The following MAPK10 variants were observed in gnomAD, a reference collection of about 807,000 sequenced individuals.
The protein encoded by MAPK10 is JNK3 alpha protein kinase.
A neutral mutation model predicts 59.3 loss-of-function variants in MAPK10; 25 were observed. That is an observed-to-expected ratio of 0.42 (90% CI 0.31 to 0.59). The LOEUF (loss-of-function observed/expected upper bound fraction) is 0.59. Ranked by LOEUF, MAPK10 falls within the 20% of genes least tolerant of loss-of-function variation. The pLI is 0.15. For synonymous variants in MAPK10, 190 were observed against 200.5 expected (o/e 0.95, Z 0.44); for missense variants, 351 against 568.9 (o/e 0.62, Z 3.90).
chr4:86,335,205 T>C (rs1471321273), intron 2 of MAPK10: 2 of 152,202 alleles, frequency 1.3e-5, no homozygotes, highest in Non-Finnish European at 2.9e-5. Context: ...TAATCCCTGA[T>C]ACATGTTTTG....
chr4:86,039,248 T>C (rs1316738279), intron 11 of MAPK10, among the ~76,000 whole-genome samples: 1 of 152,160 alleles, frequency 6.6e-6, no homozygotes, highest in African/African-American at 2.4e-5. Flanking sequence ...CACCTGGGTA[T>C]AGCACGGAAA....
chr4:86,327,509 CT>C (rs2096054922), intron 2 of MAPK10: 1 of 151,660 alleles, frequency 6.6e-6, no homozygotes, highest in Admixed American at 6.6e-5. Context: ...CCCAGAATTA[CT>C]ATCTTTTTTT....
At chr4:86,106,350 T>C (rs923703929) in intron 5 of MAPK10, among the ~76,000 whole-genome samples, 2 of 151,816 alleles carry the variant, frequency 1.3e-5, no homozygotes, top group African/African-American at 2.4e-5. Flanking sequence ...ATTATAGCTA[T>C]TATACTATAG....
chr4:86,077,380 A>C (rs1039748612), intron 9 of MAPK10, among the ~76,000 whole-genome samples: 2 of 152,184 alleles, frequency 1.3e-5, no homozygotes, highest in African/African-American at 4.8e-5. Context: ...TAATATATGA[A>C]AAGGGCAATT....
intron 4 of MAPK10, among the ~76,000 whole-genome samples, chr4:86,129,211 G>C (rs1644088849): frequency 6.6e-6 from 1 of 152,098 alleles, no homozygotes; most frequent in South Asian, 2.1e-4. Context: ...TCCCATGGTG[G>C]TTAAATAATG....
intron 4 of MAPK10, among the ~76,000 whole-genome samples, chr4:86,133,526 A>G (rs2061374413): frequency 6.6e-6 from 1 of 152,270 alleles, no homozygotes; most frequent in Non-Finnish European, 1.5e-5. Context: ...TAATGCCTAC[A>G]GCCAAAACAG....
intron 1 of MAPK10, among the ~76,000 whole-genome samples, chr4:86,537,163 T>C (rs1248053467): frequency 6.6e-6 from 1 of 152,070 alleles, no homozygotes; most frequent in African/African-American, 2.4e-5. Context: ...AAAGAAGTCT[T>C]TGTTGTGAGA....
chr4:86,512,013 A>T (rs1756312990), intron 1 of MAPK10, among the ~76,000 whole-genome samples: 1 of 152,146 alleles, frequency 6.6e-6, no homozygotes, highest in Non-Finnish European at 1.5e-5. Flanking sequence ...TCATGAAACT[A>T]CTCATCAAGA....
intron 2 of MAPK10, among the ~76,000 whole-genome samples, chr4:86,285,368 C>A (rs143400411): frequency 0.019 from 2,945 of 152,062 alleles, 98 homozygotes; most frequent in African/African-American, 0.068. Flanking sequence ...AGGTGCACAC[C>A]ACCATGCCCA....
At chr4:86,359,288 C>CTCTCTCTCTCTCTCTCTCTCTGTG (rs796310826) in intron 1 of MAPK10, among the ~76,000 whole-genome samples, 1 of 94,632 alleles carries the variant, frequency 1.1e-5, no homozygotes, top group East Asian at 3.0e-4. Context: ...CTCTCTCTCT[C>CTCTCTCTCTCTCTCTCTCTCTGTG]TGTGTGTGTG....
intron 11 of MAPK10, among the ~76,000 whole-genome samples, chr4:86,034,670 A>G (rs1230707002): frequency 6.6e-6 from 1 of 151,878 alleles, no homozygotes; most frequent in Non-Finnish European, 1.5e-5. Flanking sequence ...TGCAAAACAG[A>G]TCATTAGTAT....
chr4:86,109,477 C>T (rs1157116208), intron 4 of MAPK10, among the ~76,000 whole-genome samples: 1 of 152,072 alleles, frequency 6.6e-6, no homozygotes, highest in African/African-American at 2.4e-5. Flanking sequence ...TAAGTGAGAA[C>T]ATGCAGTGTT....
intron 3 of MAPK10, among the ~76,000 whole-genome samples, chr4:86,169,211 A>C (rs755494218): frequency 1.3e-5 from 2 of 152,272 alleles, no homozygotes; most frequent in African/African-American, 2.4e-5. Flanking sequence ...AAAGCTGGAC[A>C]GAGAATGACT....
intron 2 of MAPK10, among the ~76,000 whole-genome samples, chr4:86,317,065 C>G (rs1401596434): frequency 6.6e-6 from 1 of 152,126 alleles, no homozygotes. Flanking sequence ...CAAAATCACA[C>G]AGTAGGGCAC....
At chr4:86,206,970 C>T (rs530176134) in intron 2 of MAPK10, among the ~76,000 whole-genome samples, 28 of 152,024 alleles carry the variant, frequency 1.8e-4, no homozygotes, top group East Asian at 7.8e-4. Flanking sequence ...GAGTAGGTTG[C>T]GAAAATTTTC....
chr4:86,242,713 C>T (rs1402583659), intron 2 of MAPK10, among the ~76,000 whole-genome samples: 1 of 152,190 alleles, frequency 6.6e-6, no homozygotes, highest in Non-Finnish European at 1.5e-5. Context: ...AGGGGAGAAG[C>T]GCAGCTTGGA....
At chr4:86,191,690 C>CGGGTCTT (rs941293619) in intron 3 of MAPK10, 2 of 149,516 alleles carry the variant, frequency 1.3e-5, no homozygotes, top group Non-Finnish European at 3.0e-5. Context: ...AGCACACCGA[C>CGGGTCTT]GGGTCTTGAC....
At chr4:86,364,893 T>C (rs147133351), upstream of MAPK10, among the ~76,000 whole-genome samples, 2 of 152,150 alleles carry the variant, frequency 1.3e-5, 1 homozygote, top group East Asian at 3.9e-4. Context: ...GGTAGAAGGA[T>C]TGCTTGAACC....
At chr4:86,567,596 G>C (rs1761153832) in intron 1 of MAPK10, among the ~76,000 whole-genome samples, 1 of 152,192 alleles carries the variant, frequency 6.6e-6, no homozygotes, top group Non-Finnish European at 1.5e-5. Flanking sequence ...TGGTATGACT[G>C]AAAGCCCAGA....
Sources: allele counts gnomAD v4.1 joint callset (sites outside exome capture counted in the v4.1 genomes callset), GRCh38; gene constraint gnomAD v4.1.1; transcripts MANE v1.5; gene names NCBI Gene and HGNC (gene_info 2026-07-23, HGNC 2026-07-21).